CCDC126: variants seen among roughly 807,000 people sequenced by gnomAD.
The protein encoded by CCDC126 is coiled-coil domain-containing protein 126.
Under a neutral mutation model 11.7 loss-of-function variants are expected in CCDC126, and 5 were observed. The ratio of observed to expected loss-of-function variants is 0.43; its 90% confidence interval spans 0.22 to 0.90. CCDC126 has a LOEUF of 0.90. Ranked by LOEUF, CCDC126 falls within the 40% of genes least tolerant of loss-of-function variation. CCDC126 has a pLI of 0.27. For synonymous variants in CCDC126, 60 were observed against 61.9 expected, an observed-to-expected ratio of 0.97 and a Z score of 0.14; for missense variants, 150 against 163.1, an observed-to-expected ratio of 0.92 and a Z score of 0.44.
At chr7:23,623,928 A>T (rs909761699) in intron 3 of CCDC126, among the ~76,000 whole-genome samples, 6 of 152,198 alleles carry the variant, frequency 3.9e-5, no homozygotes, top group African/African-American at 1.4e-4. Flanking sequence ...CATCCTGCAC[A>T]TATATCCCAG....
intron 3 of CCDC126, chr7:23,622,968 C>CT (rs1228157804): frequency 0.41 from 37,671 of 92,474 alleles, 9,035 homozygotes; most frequent in African/African-American, 0.49. Flanking sequence ...TATGCTCACT[C>CT]TTTTTTTTTT....
At chr7:23,634,871 A>G (rs559673992) in intron 3 of CCDC126, among the ~76,000 whole-genome samples, 267 of 152,244 alleles carry the variant, frequency 1.8e-3, no homozygotes, top group African/African-American at 5.9e-3. Context: ...AAATCACTAC[A>G]TTCTCCCTCT....
chr7:23,615,326 G>T (rs1782779707), intron 3 of CCDC126, among the ~76,000 whole-genome samples: 2 of 152,220 alleles, frequency 1.3e-5, no homozygotes, highest in Admixed American at 1.3e-4. Context: ...AGCCTTCATA[G>T]AATTGAAGAG....
intron 3 of CCDC126, among the ~76,000 whole-genome samples, chr7:23,639,467 A>G (rs1261657141): frequency 3.3e-5 from 5 of 152,192 alleles, no homozygotes; most frequent in Admixed American, 1.3e-4. Context: ...GGCCGCCCAA[A>G]GTGCTGGGAT....
chr7:23,604,997 C>CAA (rs35137744), intron 2 of CCDC126, among the ~76,000 whole-genome samples: 5 of 92,630 alleles, frequency 5.4e-5, no homozygotes, highest in African/African-American at 1.5e-4. Flanking sequence ...GACTTCGTCT[C>CAA]AAAAAAAAAA....
At chr7:23,642,314 G>C (rs1479252918) in intron 3 of CCDC126, among the ~76,000 whole-genome samples, 2 of 152,076 alleles carry the variant, frequency 1.3e-5, no homozygotes, top group Non-Finnish European at 2.9e-5. Flanking sequence ...TTTACAAAAT[G>C]CTTAAGAAAC....
intron 2 of CCDC126, among the ~76,000 whole-genome samples, chr7:23,599,210 T>C (rs1178049738): frequency 9.9e-5 from 15 of 152,244 alleles, no homozygotes; most frequent in Non-Finnish European, 1.5e-5. Context: ...CTTTTGCTCA[T>C]AGCCCCTATA....
At chr7:23,622,377 T>C (rs1391065045) in intron 3 of CCDC126, 6 of 324,520 alleles carry the variant, frequency 1.8e-5, no homozygotes, top group Non-Finnish European at 3.0e-5. Flanking sequence ...TAGAGGTGTT[T>C]ATAGTATTCT....
rs776593455 is a variant in CCDC126, at chr7:23,611,564, C to G, written c.238+11C>G. 1.3e-6 allele frequency: 2 copies of G among 1,555,828 alleles called. No homozygotes were observed. The highest frequency in any genetic ancestry group is 1.8e-6 in the Non-Finnish European group (2 of 1,128,586). On this transcript the variant is annotated intron_variant, in intron 3 of 3. Coordinates refer to ENST00000307471, the MANE Select transcript of CCDC126 (RefSeq NM_138771.4). ...CTATGGCAGGATATGGTAAGATAAC[C>G]GTAGAATATTTCTAGTTTCCTCCAA... is the stretch of plus-strand genomic sequence containing the variant.
At chr7:23,635,921 C>G (rs1783200571) in intron 3 of CCDC126, among the ~76,000 whole-genome samples, 2 of 152,168 alleles carry the variant, frequency 1.3e-5, no homozygotes, top group African/African-American at 4.8e-5. Context: ...CACGGTCTCC[C>G]TCTGATGCCG....
At chr7:23,614,981 T>C (rs1345567470) in intron 3 of CCDC126, among the ~76,000 whole-genome samples, 1 of 152,190 alleles carries the variant, frequency 6.6e-6, no homozygotes, top group Non-Finnish European at 1.5e-5. Flanking sequence ...GGTTTCAACT[T>C]TAAGTCACCA....
At chr7:23,618,512 A>G (rs1221163029) in intron 3 of CCDC126, among the ~76,000 whole-genome samples, 2 of 150,762 alleles carry the variant, frequency 1.3e-5, no homozygotes, top group South Asian at 2.1e-4. Context: ...GCTACCTCCC[A>G]ACAACTGGAG....
chr7:23,619,375 C>T (rs957602334), intron 3 of CCDC126: 7 of 383,350 alleles, frequency 1.8e-5, no homozygotes, highest in Non-Finnish European at 3.1e-5. Context: ...AACCATGAAG[C>T]GCATGCTTAA....
At chr7:23,616,010 A>G (rs1192936459) in intron 3 of CCDC126, among the ~76,000 whole-genome samples, 2 of 152,228 alleles carry the variant, frequency 1.3e-5, no homozygotes, top group African/African-American at 4.8e-5. Context: ...AGTTGCTGCA[A>G]ACATTCAATT....
chr7:23,628,732 G>A (rs933135830), intron 3 of CCDC126, among the ~76,000 whole-genome samples: 1 of 152,094 alleles, frequency 6.6e-6, no homozygotes, highest in African/African-American at 2.4e-5. Context: ...CCTCCACATG[G>A]CAGTAACGAA....
chr7:23,637,835 A>G (rs1363429499), intron 3 of CCDC126, among the ~76,000 whole-genome samples: 1 of 84,546 alleles, frequency 1.2e-5, no homozygotes, highest in Non-Finnish European at 2.5e-5. Flanking sequence ...TCCGGGAGGG[A>G]GGTGGGGGGG....
At chr7:23,621,714 G>A (rs974154185) in intron 3 of CCDC126, among the ~76,000 whole-genome samples, 1 of 152,106 alleles carries the variant, frequency 6.6e-6, no homozygotes, top group African/African-American at 2.4e-5. Context: ...TTGGCTGTGG[G>A]TTTGTCATAA....
chr7:23,639,273 C>T (rs1014152598), intron 3 of CCDC126, among the ~76,000 whole-genome samples: 9 of 150,344 alleles, frequency 6.0e-5, no homozygotes, highest in South Asian at 2.1e-4. Flanking sequence ...CTCACTGCAA[C>T]TTCTACCTCC....
At chr7:23,601,377 C>A (rs1279256078) in intron 2 of CCDC126, among the ~76,000 whole-genome samples, 1 of 152,132 alleles carries the variant, frequency 6.6e-6, no homozygotes, top group Non-Finnish European at 1.5e-5. Flanking sequence ...AGAGCCAGAC[C>A]TTATCTCAAA....
Sources: allele counts gnomAD v4.1 joint callset (sites outside exome capture counted in the v4.1 genomes callset), GRCh38; gene constraint gnomAD v4.1.1; transcripts MANE v1.5; gene names NCBI Gene and HGNC (gene_info 2026-07-23, HGNC 2026-07-21).